The following ATP10B variants were observed in gnomAD, a reference collection of about 807,000 sequenced individuals.
ATP10B encodes the protein phospholipid-transporting ATPase VB.
Under a neutral mutation model 141.2 loss-of-function variants are expected in ATP10B, and 122 were observed. The observed-to-expected ratio is 0.86, with a 90% CI of 0.75 to 1.00. The LOEUF (loss-of-function observed/expected upper bound fraction) is 1.00. Among genes scored for constraint, ATP10B ranks in the 50% least tolerant of loss-of-function variants. The pLI, the probability that ATP10B is intolerant of heterozygous loss-of-function variation, is 0.00. For missense variants in ATP10B, 1,876 were observed against 1,825.3 expected, an observed-to-expected ratio of 1.03 and a Z score of -0.51; for synonymous variants, 685 against 692.0, an observed-to-expected ratio of 0.99 and a Z score of 0.16.
At chr5:160,618,137 C>A (rs1269153230) in intron 15 of ATP10B, among the ~76,000 whole-genome samples, 164 bp from the exon 16 acceptor site, 2 of 152,190 alleles carry the variant, frequency 1.3e-5, no homozygotes, top group Non-Finnish European at 2.9e-5. Flanking sequence ...TGTCAGGTTG[C>A]CCTGGAAGAT....
intron 2 of ATP10B, among the ~76,000 whole-genome samples, chr5:160,762,922 T>A (rs1769147421): frequency 8.2e-6 from 1 of 121,580 alleles, no homozygotes; most frequent in South Asian, 2.6e-4. Flanking sequence ...TATTCTTATA[T>A]CAGATAAAAC....
rs574231072 is a variant in ATP10B, at chr5:160,696,672, G to T, written c.-204-7729C>A. Among the ~76,000 whole-genome samples the T allele has an allele frequency of 2.0e-5, 3 of 152,228 alleles. No individual in the cohort carries two copies. The South Asian group carries it at 6.2e-4, about 32-fold the overall frequency. ...GTGGCTTACCTACTAATGCAGGAAA[G>T]GCTGCTAACATGGTTTGCAAGTTTC... On this transcript the variant is annotated intron_variant, in intron 3 of 25. Coordinates refer to ENST00000327245, the MANE Select transcript of ATP10B (RefSeq NM_025153.3).
At chr5:160,848,420 C>A (rs553471480) in intron 1 of ATP10B, among the ~76,000 whole-genome samples, 1 of 152,276 alleles carries the variant, frequency 6.6e-6, no homozygotes, top group East Asian at 1.9e-4. Context: ...AATAGCACAG[C>A]TAATAAATGG....
At chr5:160,653,703 CA>C (rs1284001211) in intron 7 of ATP10B, among the ~76,000 whole-genome samples, 1 of 110,388 alleles carries the variant, frequency 9.1e-6, no homozygotes, top group Non-Finnish European at 1.7e-5. Flanking sequence ...TATACATATA[CA>C]ATATATACAT....
At chr5:160,803,098 G>T (rs962658596) in intron 1 of ATP10B, among the ~76,000 whole-genome samples, 1 of 152,126 alleles carries the variant, frequency 6.6e-6, no homozygotes, top group Non-Finnish European at 1.5e-5. Context: ...GGCTCACTTG[G>T]CATGGTGGGC....
At chr5:160,887,846 C>T in the ATP10B span, among the ~76,000 whole-genome samples, 3 of 152,180 alleles carry the variant, frequency 2.0e-5, no homozygotes, top group African/African-American at 7.2e-5. Context: ...CTTATTGCTA[C>T]CCTCTGGCAC....
intron 12 of ATP10B, chr5:160,633,390 A>G (rs1320913958): frequency 6.6e-6 from 1 of 152,284 alleles, no homozygotes; most frequent in Non-Finnish European, 1.5e-5. Context: ...ATAAAAAAGG[A>G]TGAGTTCATG....
chr5:160,846,155 A>G (rs535109096), intron 1 of ATP10B, among the ~76,000 whole-genome samples: 7 of 151,842 alleles, frequency 4.6e-5, no homozygotes, highest in African/African-American at 1.2e-4. Flanking sequence ...ACTGTTTACT[A>G]TTGGGTTGTA....
intron 24 of ATP10B, among the ~76,000 whole-genome samples, chr5:160,584,230 G>A (rs1308142603): frequency 6.6e-6 from 1 of 152,176 alleles, no homozygotes; most frequent in African/African-American, 2.4e-5. Flanking sequence ...TGTAGTATCT[G>A]GGCCAGAGTA....
chr5:160,900,337 G>A, the ATP10B span, among the ~76,000 whole-genome samples: 22 of 152,044 alleles, frequency 1.4e-4, no homozygotes, highest in African/African-American at 5.1e-4. Flanking sequence ...GGGGCCAAGC[G>A]CTTTAATTTA....
chr5:160,669,608 C>CTT lies in ATP10B; in HGVS notation c.675+853_675+854dup, dbSNP rs5872655. ...TGACAGACTGAGAGCCAGTCTCTCTCTTTTTTTTTTTTTTTTTTTTTTGAG... is the reference window on the plus strand; with the variant it reads ...TGACAGACTGAGAGCCAGTCTCTCTCTTTTTTTTTTTTTTTTTTTTTTTTGAG... On this transcript the variant is annotated intron_variant, in intron 7 of 25. Coordinates refer to ENST00000327245, the MANE Select transcript of ATP10B (RefSeq NM_025153.3). Among the ~76,000 whole-genome samples, 185 of 84,940 alleles carry CTT rather than the reference C, an allele frequency of 2.2e-3. 2 individuals are homozygous for CTT. The highest frequency in any genetic ancestry group is 6.8e-3 in the Middle Eastern group (1 of 146). The allele number at this position is 84,940 out of a possible 152,430, so 55.7% of individuals were successfully genotyped here. A position where few individuals can be genotyped will look rare whatever the true frequency, so the allele number is the denominator to read the frequency against.
chr5:160,896,423 C>A, the ATP10B span, among the ~76,000 whole-genome samples: 1 of 152,168 alleles, frequency 6.6e-6, no homozygotes, highest in Non-Finnish European at 1.5e-5. Flanking sequence ...CACCTCTACA[C>A]AAATAAACTG....
At chr5:160,816,847 C>T (rs572125631) in intron 1 of ATP10B, among the ~76,000 whole-genome samples, 3 of 152,280 alleles carry the variant, frequency 2.0e-5, no homozygotes, top group South Asian at 2.1e-4. Flanking sequence ...GCTGGTTCAA[C>T]ATATGCAAAT....
At chr5:160,773,227 C>G (rs1770036424) in intron 2 of ATP10B, among the ~76,000 whole-genome samples, 1 of 152,134 alleles carries the variant, frequency 6.6e-6, no homozygotes, top group Admixed American at 6.5e-5. Flanking sequence ...TGGTCTCGTT[C>G]CTCAGACATG....
chr5:160,818,399 A>G (rs902949901), intron 1 of ATP10B, among the ~76,000 whole-genome samples: 2 of 152,246 alleles, frequency 1.3e-5, no homozygotes, highest in African/African-American at 4.8e-5. Flanking sequence ...ACATGAAAAA[A>G]TGCTCATTAT....
chr5:160,575,792 G>A (rs551320510), intron 24 of ATP10B, among the ~76,000 whole-genome samples: 1 of 151,976 alleles, frequency 6.6e-6, no homozygotes, highest in African/African-American at 2.4e-5. Context: ...AGGCTCTTTT[G>A]ACTAGATGGT....
At chr5:160,639,467 C>A (rs992705205) in intron 10 of ATP10B, among the ~76,000 whole-genome samples, 1 of 152,114 alleles carries the variant, frequency 6.6e-6, no homozygotes, top group Non-Finnish European at 1.5e-5. Flanking sequence ...GCAGGGAGAG[C>A]TACTGCTGCA....
At chr5:160,817,094 A>C (rs1038779317) in intron 1 of ATP10B, among the ~76,000 whole-genome samples, 3 of 152,226 alleles carry the variant, frequency 2.0e-5, no homozygotes, top group African/African-American at 7.2e-5. Flanking sequence ...AACTGGCACA[A>C]GACAGGGATG....
At chr5:160,872,857 CTTTTG>C in the ATP10B span, among the ~76,000 whole-genome samples, 1 of 151,972 alleles carries the variant, frequency 6.6e-6, no homozygotes, top group South Asian at 2.1e-4. Flanking sequence ...ACTATGCGGT[CTTTTG>C]TTTTGGTTTC....
Sources: allele counts gnomAD v4.1 joint callset (sites outside exome capture counted in the v4.1 genomes callset), GRCh38; gene constraint gnomAD v4.1.1; transcripts MANE v1.5; gene names NCBI Gene and HGNC (gene_info 2026-07-23, HGNC 2026-07-21).